SAMD12: variants seen among roughly 807,000 people sequenced by gnomAD.
SAMD12 encodes the protein sterile alpha motif domain-containing protein 12.
In SAMD12, 9 loss-of-function variants were observed where a neutral mutation model predicts 15.0. The observed-to-expected ratio is 0.60, with a 90% CI of 0.36 to 1.05. SAMD12 has a LOEUF of 1.05. SAMD12 is among the 50% of genes least tolerant of loss of function. The probability of loss-of-function intolerance (pLI) is 0.01; values close to 1 mark genes in which losing one functional copy is unlikely to be tolerated. For missense variants in SAMD12, 230 were observed against 234.2 expected (o/e 0.98, Z 0.12); for synonymous variants, 86 against 90.1 (o/e 0.96, Z 0.25).
chr8:118,503,252 T>C (rs766976254), intron 2 of SAMD12, among the ~76,000 whole-genome samples: 39 of 152,344 alleles, frequency 2.6e-4, no homozygotes, highest in Non-Finnish European at 5.4e-4. Context: ...AAATGTATCA[T>C]GCACTGCAGT....
chr8:118,589,313 G>C (rs550267971), intron 1 of SAMD12, among the ~76,000 whole-genome samples: 2 of 152,150 alleles, frequency 1.3e-5, no homozygotes, highest in African/African-American at 4.8e-5. Context: ...ACATGCAGCA[G>C]TGTAAGGACA....
chr8:118,501,318 T>C (rs1048829785), intron 2 of SAMD12, among the ~76,000 whole-genome samples: 3 of 152,246 alleles, frequency 2.0e-5, no homozygotes, highest in Non-Finnish European at 4.4e-5. Flanking sequence ...CGGATAGATT[T>C]TATTTGTTCT....
At chr8:118,332,256 T>C (rs889512572) in intron 4 of SAMD12, among the ~76,000 whole-genome samples, 1 of 152,254 alleles carries the variant, frequency 6.6e-6, no homozygotes, top group Non-Finnish European at 1.5e-5. Context: ...AGGTTTTTTA[T>C]TTTTGCAAAA....
At chr8:118,572,465 T>G (rs903845191) in intron 2 of SAMD12, among the ~76,000 whole-genome samples, 5 of 152,200 alleles carry the variant, frequency 3.3e-5, no homozygotes, top group Non-Finnish European at 7.3e-5. Context: ...GGTTTGGCTG[T>G]GTCCTCACCC....
chr8:118,242,351 G>GA (rs1270681032), intron 4 of SAMD12, among the ~76,000 whole-genome samples: 1 of 152,102 alleles, frequency 6.6e-6, no homozygotes, highest in Non-Finnish European at 1.5e-5. Context: ...TGAATCACAA[G>GA]AAAATCAGAC....
chr8:118,471,351 C>T (rs1823788139), intron 2 of SAMD12, among the ~76,000 whole-genome samples: 2 of 152,222 alleles, frequency 1.3e-5, no homozygotes, highest in South Asian at 4.1e-4. Flanking sequence ...TTAGCAGTCA[C>T]CATTATTTGG....
intron 4 of SAMD12, among the ~76,000 whole-genome samples, chr8:118,293,961 C>A (rs918782834): frequency 5.9e-5 from 9 of 152,178 alleles, no homozygotes; most frequent in African/African-American, 2.2e-4. Flanking sequence ...GCACTCAAGG[C>A]ATATCTCAAA....
chr8:118,238,335 A>G (rs888984077), intron 4 of SAMD12, among the ~76,000 whole-genome samples: 3 of 152,164 alleles, frequency 2.0e-5, no homozygotes, highest in Admixed American at 6.6e-5. Context: ...TTCCTTTGTG[A>G]TAAAATCAAT....
intron 2 of SAMD12, among the ~76,000 whole-genome samples, chr8:118,442,232 G>T (rs990181254): frequency 2.0e-5 from 3 of 152,206 alleles, no homozygotes; most frequent in Admixed American, 6.5e-5. Context: ...GTTCCCCAGA[G>T]TGTCTTGTTT....
At chr8:118,173,963 T>C in the SAMD12 span, among the ~76,000 whole-genome samples, 1 of 152,290 alleles carries the variant, frequency 6.6e-6, no homozygotes, top group East Asian at 1.9e-4. Flanking sequence ...TATCTGGCAA[T>C]TAAAAATACT....
At chr8:118,160,857 A>C in the SAMD12 span, among the ~76,000 whole-genome samples, 1 of 152,116 alleles carries the variant, frequency 6.6e-6, no homozygotes, top group Non-Finnish European at 1.5e-5. Context: ...TTTGTTACAT[A>C]TGTATACATG....
At chr8:118,257,725 G>C (rs563435668) in intron 4 of SAMD12, among the ~76,000 whole-genome samples, 2 of 152,028 alleles carry the variant, frequency 1.3e-5, no homozygotes, top group Non-Finnish European at 2.9e-5. Context: ...TCTTTCTCGA[G>C]GGGAAGGCCT....
intron 2 of SAMD12, among the ~76,000 whole-genome samples, chr8:118,570,828 G>A (rs1826990569): frequency 6.6e-6 from 1 of 152,126 alleles, no homozygotes. Context: ...ATTGAATCAT[G>A]CAGGCAAGTC....
intron 3 of SAMD12, among the ~76,000 whole-genome samples, chr8:118,392,454 A>C (rs1820334458): frequency 6.6e-6 from 1 of 152,194 alleles, no homozygotes; most frequent in South Asian, 2.1e-4. Context: ...AAAACAAAAA[A>C]CAAAAAACAA....
intron 4 of SAMD12, among the ~76,000 whole-genome samples, chr8:118,263,819 A>C (rs1813138391): frequency 6.6e-6 from 1 of 152,066 alleles, no homozygotes; most frequent in Non-Finnish European, 1.5e-5. Flanking sequence ...CCCTGTGGTC[A>C]GGCAGTGGAG....
chr8:118,533,978 T>C (rs1023199684), intron 2 of SAMD12, among the ~76,000 whole-genome samples: 3 of 152,228 alleles, frequency 2.0e-5, no homozygotes, highest in African/African-American at 7.2e-5. Context: ...AATTTGATCC[T>C]GTCGTTATGA....
chr8:118,596,810 G>A (rs772562213), intron 1 of SAMD12, among the ~76,000 whole-genome samples: 3 of 152,162 alleles, frequency 2.0e-5, no homozygotes, highest in South Asian at 2.1e-4. Context: ...CCATGCCTAC[G>A]AAAACTAAGA....
chr8:118,570,842 C>T (rs910005951), intron 2 of SAMD12, among the ~76,000 whole-genome samples: 4 of 152,210 alleles, frequency 2.6e-5, no homozygotes, highest in Admixed American at 6.5e-5. Context: ...GCAAGTCTTT[C>T]CCATGCTGTT....
At chr8:118,402,153 A>G (rs1180423275) in intron 3 of SAMD12, among the ~76,000 whole-genome samples, 1 of 152,206 alleles carries the variant, frequency 6.6e-6, no homozygotes, top group East Asian at 1.9e-4. Flanking sequence ...ATCACACACC[A>G]CAAAAGGAAA....
Sources: allele counts gnomAD v4.1 joint callset (sites outside exome capture counted in the v4.1 genomes callset), GRCh38; gene constraint gnomAD v4.1.1; transcripts MANE v1.5; gene names NCBI Gene and HGNC (gene_info 2026-07-23, HGNC 2026-07-21).